Variants in TRPC7 observed in about 807,000 individuals in gnomAD.
The protein encoded by TRPC7 is transient receptor potential cation channel subfamily C member 7.
Under a neutral mutation model 90.1 loss-of-function variants are expected in TRPC7, and 42 were observed. That is an observed-to-expected ratio of 0.47 (90% CI 0.36 to 0.60). The LOEUF (loss-of-function observed/expected upper bound fraction) is 0.60. TRPC7 is among the 20% of genes least tolerant of loss of function. TRPC7 has a pLI of 0.00. For missense variants in TRPC7, 955 were observed against 1,112.3 expected (o/e 0.86, Z 2.01); for synonymous variants, 451 against 436.3 (o/e 1.03, Z -0.42).
intron 2 of TRPC7, among the ~76,000 whole-genome samples, chr5:136,344,014 A>G (rs1246104502): frequency 2.6e-5 from 4 of 152,222 alleles, no homozygotes; most frequent in African/African-American, 9.7e-5. Flanking sequence ...AGTAGCAAAG[A>G]CAGAGAATCA....
chr5:136,336,428 CCTT>C (rs567560979), intron 2 of TRPC7, among the ~76,000 whole-genome samples: 32 of 152,060 alleles, frequency 2.1e-4, no homozygotes, highest in Admixed American at 2.0e-3. Context: ...AAAAATCTCT[CCTT>C]AAGATTTCAA....
chr5:136,253,198 T>G (rs1460149691), intron 5 of TRPC7, among the ~76,000 whole-genome samples: 1 of 152,252 alleles, frequency 6.6e-6, no homozygotes, highest in Non-Finnish European at 1.5e-5. Context: ...GTCTTTATAA[T>G]ATGGCTTTTA....
chr5:136,228,295 T>TGGGGGGGGG (rs1755695246), intron 8 of TRPC7, among the ~76,000 whole-genome samples: 1 of 127,620 alleles, frequency 7.8e-6, no homozygotes, highest in African/African-American at 3.0e-5. Flanking sequence ...GTGGGTGGGG[T>TGGGGGGGGG]GGGGGGTAGG....
chr5:136,318,727 C>CCACCTCCAACTA, intron 2 of TRPC7, among the ~76,000 whole-genome samples: 1 of 152,166 alleles, frequency 6.6e-6, no homozygotes, highest in Non-Finnish European at 1.5e-5. Flanking sequence ...CTTCAAGTGT[C>CCACCTCCAACTA]CCTTCTCCAA....
intron 2 of TRPC7, among the ~76,000 whole-genome samples, chr5:136,341,731 G>A (rs1759854025): frequency 6.6e-6 from 1 of 152,136 alleles, no homozygotes; most frequent in Admixed American, 6.6e-5. Context: ...CGCTATTCAG[G>A]TAATTCAAGG....
At chr5:136,241,817 A>G (rs1450215605) in intron 7 of TRPC7, among the ~76,000 whole-genome samples, 2 of 152,280 alleles carry the variant, frequency 1.3e-5, no homozygotes, top group East Asian at 3.9e-4. Flanking sequence ...TGGCCTCCCA[A>G]ACTGCTGGGA....
intron 1 of TRPC7, among the ~76,000 whole-genome samples, chr5:136,364,244 T>C (rs1177330023): frequency 6.6e-6 from 1 of 152,228 alleles, no homozygotes; most frequent in Non-Finnish European, 1.5e-5. Context: ...GGTTAATTAC[T>C]GCCTAAAGGA....
Position 136,357,080 on chromosome 5 carries a change from A to T in TRPC7, c.308T>A (p.Leu103Gln). ...VTELLLKKEN[L>Q]ARVGDALLLA... Reference sequence around the variant, plus strand: ...CAGCAGCGCGTCCCCCACCCGTGCCAGGTTCTCCTTCTTCAGCAGCAGCTC... The same window carrying T: ...CAGCAGCGCGTCCCCCACCCGTGCCTGGTTCTCCTTCTTCAGCAGCAGCTC... Residue 103 changes from leucine to glutamine, a missense_variant, in exon 2 of 12, where the codon CTG becomes CAG. By Grantham distance (113) the Leu-to-Gln change is moderately radical. Coordinates refer to ENST00000513104, the MANE Select transcript of TRPC7 (RefSeq NM_020389.3). 6.2e-7 allele frequency: 1 copy of T among 1,613,942 alleles called. No homozygotes were observed. The highest frequency in any genetic ancestry group is 8.5e-7 in the Non-Finnish European group (1 of 1,179,938).
chr5:136,303,039 C>CCT (rs1298899096), intron 3 of TRPC7, among the ~76,000 whole-genome samples: 3 of 152,180 alleles, frequency 2.0e-5, no homozygotes, highest in Non-Finnish European at 2.9e-5. Context: ...CCTTTTATCA[C>CCT]CTCCCCTCCT....
At chr5:136,317,874 T>C (rs1338452218) in intron 2 of TRPC7, among the ~76,000 whole-genome samples, 1 of 152,216 alleles carries the variant, frequency 6.6e-6, no homozygotes, top group Admixed American at 6.5e-5. Context: ...CAGAGCTTCC[T>C]CACATATCTG....
At chr5:136,355,320 G>T (rs750264577) in intron 2 of TRPC7, among the ~76,000 whole-genome samples, 2 of 152,170 alleles carry the variant, frequency 1.3e-5, no homozygotes, top group Admixed American at 6.5e-5. Flanking sequence ...TGACTCTGGG[G>T]TCTGAGTGCT....
At chr5:136,344,783 TAAC>T (rs565170452) in intron 2 of TRPC7, among the ~76,000 whole-genome samples, 146 of 152,254 alleles carry the variant, frequency 9.6e-4, no homozygotes, top group Non-Finnish European at 1.7e-3. Context: ...TCCTTTGTGG[TAAC>T]AACAAGTGAG....
chr5:136,335,685 C>T (rs544473176), intron 2 of TRPC7, among the ~76,000 whole-genome samples: 6 of 151,852 alleles, frequency 4.0e-5, no homozygotes, highest in African/African-American at 1.4e-4. Flanking sequence ...GGGCAGATCA[C>T]GAGGTCAGGA....
intron 3 of TRPC7, among the ~76,000 whole-genome samples, chr5:136,290,149 C>T (rs2149823760): frequency 6.6e-6 from 1 of 152,252 alleles, no homozygotes; most frequent in South Asian, 2.1e-4. Context: ...TGTACGTCAC[C>T]ATCATCAAAG....
rs35253435 is a variant in TRPC7 at position 136,247,224 on chromosome 5, A to AT, written c.1844+246dup. On this transcript the variant is annotated intron_variant, in intron 7 of 11. Transcript: ENST00000513104. The surrounding 1 kb of genome is among the most constrained non-coding windows in gnomAD (Gnocchi z 4.2). Reference sequence around the variant, plus strand: ...AGAAAACGTAGCATTCCTACATGTGATTTTTTTTTTTCTAAATGGGAACAT... The same window carrying AT: ...AGAAAACGTAGCATTCCTACATGTGATTTTTTTTTTTTCTAAATGGGAACAT... Among the ~76,000 whole-genome samples the AT allele has an allele frequency of 0.47, 70,783 of 150,012 alleles. 16,512 individuals carry two copies. Among genetic ancestry groups the AT allele is most frequent in the East Asian group, 0.58 (2,954 of 5,102 alleles).
chr5:136,354,812 TG>T (rs1760310197), intron 2 of TRPC7, among the ~76,000 whole-genome samples: 1 of 152,220 alleles, frequency 6.6e-6, no homozygotes. Context: ...TTGAGTCACA[TG>T]GAACTACTCA....
chr5:136,272,171 A>G (rs1027214635), intron 4 of TRPC7, among the ~76,000 whole-genome samples: 4 of 152,240 alleles, frequency 2.6e-5, no homozygotes, highest in African/African-American at 9.6e-5. Context: ...ATGTCATTAG[A>G]ATGAGATCTC....
chr5:136,340,986 A>G (rs1272125798), intron 2 of TRPC7, among the ~76,000 whole-genome samples: 1 of 152,202 alleles, frequency 6.6e-6, no homozygotes, highest in African/African-American at 2.4e-5. Context: ...ACTGTCTGGA[A>G]GGAAGTGAGG....
chr5:136,316,533 ACCT>A (rs1205407528), intron 2 of TRPC7, among the ~76,000 whole-genome samples: 2 of 152,040 alleles, frequency 1.3e-5, no homozygotes, highest in East Asian at 3.9e-4. Flanking sequence ...TTAGCCCTTG[ACCT>A]TGTTGTTGTT....
Sources: allele counts gnomAD v4.1 joint callset (sites outside exome capture counted in the v4.1 genomes callset), GRCh38; gene constraint gnomAD v4.1.1; non-coding constraint Gnocchi (gnomAD v3.1); transcripts MANE v1.5; gene names NCBI Gene and HGNC (gene_info 2026-07-23, HGNC 2026-07-21).